Variants in MOCOS observed in about 807,000 individuals in gnomAD.
The protein encoded by MOCOS is molybdenum cofactor sulfurase.
MOCOS carries 86 observed loss-of-function variants against 83.6 expected under a neutral mutation model. The ratio of observed to expected loss-of-function variants is 1.03; its 90% CI spans 0.86 to 1.23. The LOEUF is 1.23. Ranked by LOEUF, MOCOS falls within the 50% of genes most tolerant of loss-of-function variation. The probability of loss-of-function intolerance (pLI) is 0.00; values close to 1 mark genes in which losing one functional copy is unlikely to be tolerated. For synonymous variants in MOCOS, 445 were observed against 434.7 expected (o/e 1.02, Z -0.29); for missense variants, 1,120 against 1,126.9 (o/e 0.99, Z 0.09).
intron 5 of MOCOS, among the ~76,000 whole-genome samples, chr18:36,204,070 G>C (rs558388007): frequency 1.3e-5 from 2 of 152,194 alleles, no homozygotes; most frequent in African/African-American, 4.8e-5. Flanking sequence ...AAAAATTGTG[G>C]TAAACTATAC....
At chr18:36,240,735 C>T (rs533725041) in intron 9 of MOCOS, among the ~76,000 whole-genome samples, 11 of 152,284 alleles carry the variant, frequency 7.2e-5, no homozygotes, top group Non-Finnish European at 1.0e-4. Flanking sequence ...CCCCCAGCCT[C>T]GCTGCCGCCT....
intron 9 of MOCOS, among the ~76,000 whole-genome samples, chr18:36,238,408 G>A (rs1598586312): frequency 6.6e-6 from 1 of 150,764 alleles, no homozygotes; most frequent in East Asian, 1.9e-4. Context: ...AGTCATTCAG[G>A]AGCCGGTTGT....
At chr18:36,202,492 C>G (rs1359372262) in intron 4 of MOCOS, among the ~76,000 whole-genome samples, 1 of 152,108 alleles carries the variant, frequency 6.6e-6, no homozygotes, top group African/African-American at 2.4e-5. Context: ...CTGCACCTGG[C>G]CACCCTAGGA....
intron 9 of MOCOS, among the ~76,000 whole-genome samples, chr18:36,230,561 T>C (rs913659966): frequency 2.6e-5 from 4 of 152,216 alleles, no homozygotes; most frequent in East Asian, 1.9e-4. Flanking sequence ...TGATGAGCAC[T>C]GGGGAGCTCA....
At chr18:36,250,268 T>G (rs1241479230) in intron 10 of MOCOS, among the ~76,000 whole-genome samples, 2 of 152,236 alleles carry the variant, frequency 1.3e-5, no homozygotes, top group Non-Finnish European at 2.9e-5. Context: ...GGTAGGTCTG[T>G]GCTCAGTAGA....
At chr18:36,193,997 GTACCTT>G (rs2091376862) in intron 1 of MOCOS, among the ~76,000 whole-genome samples, 1 of 152,196 alleles carries the variant, frequency 6.6e-6, no homozygotes, top group Non-Finnish European at 1.5e-5. Context: ...AAATGTGGAC[GTACCTT>G]GAAAACATTA....
chr18:36,188,370 C>G (rs911632749), intron 1 of MOCOS, among the ~76,000 whole-genome samples: 1 of 152,256 alleles, frequency 6.6e-6, no homozygotes, highest in African/African-American at 2.4e-5. Context: ...ACCAAGATCA[C>G]ATCGTGCCTT....
At position 36,257,035 on chromosome 18, in the gene MOCOS, A is replaced by C. The variant is rs139763251; in HGVS notation, c.2232A>C (p.Thr744=). The change falls in exon 12 of 15, where the codon ACA becomes ACC. Residue 744 remains threonine (T), a synonymous_variant. Coordinates refer to ENST00000261326, the MANE Select transcript of MOCOS (RefSeq NM_017947.4). The part of the protein sequence containing the change: ...VNEAQYLLIN[T]SSILELHRQL... ...AGGCACAGTATCTGCTGATCAACAC[A>C]TCCAGTATTTTGGAACTTCACCGGC... 30 of 1,614,140 alleles carry C rather than the reference A, an allele frequency of 1.9e-5. No homozygotes were observed. The African/African-American group carries it at 1.9e-4, about 10-fold the overall frequency.
intron 9 of MOCOS, among the ~76,000 whole-genome samples, chr18:36,243,572 TC>T (rs2091591895): frequency 6.8e-6 from 1 of 147,812 alleles, no homozygotes; most frequent in East Asian, 1.9e-4. Flanking sequence ...TCTGTAGTTT[TC>T]TTTTTTTGTT....
intron 6 of MOCOS, among the ~76,000 whole-genome samples, chr18:36,210,489 G>A (rs1037526510): frequency 3.9e-5 from 6 of 152,142 alleles, no homozygotes; most frequent in Non-Finnish European, 5.9e-5. Flanking sequence ...ATGCATCAGA[G>A]GCAAAAGGTT....
At chr18:36,216,059 A>G (rs2091475632) in intron 8 of MOCOS, 82 bp downstream of exon 8, 2 of 1,375,990 alleles carry the variant, frequency 1.5e-6, no homozygotes, top group East Asian at 2.4e-5. Context: ...AAAGCATGAA[A>G]AAAATCAAAA....
chr18:36,215,159 C>A (rs2091470907), intron 7 of MOCOS, among the ~76,000 whole-genome samples: 1 of 152,228 alleles, frequency 6.6e-6, no homozygotes, highest in African/African-American at 2.4e-5. Context: ...CCGGGTAGAC[C>A]TTGAGGTTGA....
intron 12 of MOCOS, among the ~76,000 whole-genome samples, chr18:36,259,132 AAATTACAAAAATAAG>A (rs1288057591): frequency 6.6e-6 from 1 of 152,106 alleles, no homozygotes; most frequent in Admixed American, 6.5e-5. Context: ...CAATAAATAA[AAATTACAAAAATAAG>A]AGTTACAAAA....
At chr18:36,220,976 C>T (rs1308411110) in intron 9 of MOCOS, among the ~76,000 whole-genome samples, 4 of 151,388 alleles carry the variant, frequency 2.6e-5, no homozygotes, top group African/African-American at 4.8e-5. Flanking sequence ...TAGATGATGT[C>T]CTATTTACTT....
At chr18:36,246,156 T>C (rs2091601356) in intron 9 of MOCOS, among the ~76,000 whole-genome samples, 1 of 152,276 alleles carries the variant, frequency 6.6e-6, no homozygotes. Flanking sequence ...TTTAGATCCA[T>C]TGCTGGAGAG....
At position 36,220,131 on chromosome 18, in the gene MOCOS, G is replaced by T. The variant is rs1373435361; in HGVS notation, c.1874G>T (p.Cys625Phe). The change falls in exon 9 of 15, where the codon TGC becomes TTC. Residue 625 changes from cysteine (C) to phenylalanine (F), a missense_variant. Coordinates refer to ENST00000261326, the MANE Select transcript of MOCOS (RefSeq NM_017947.4). ...ATGGTTGTGAATCACAATGGTGTTTGCCTGAGTCAGAAGCAGGAACCCCGG... is the reference window on the plus strand; with the variant it reads ...ATGGTTGTGAATCACAATGGTGTTTTCCTGAGTCAGAAGCAGGAACCCCGG... ...SWMVVNHNGVCLSQKQEPRLC... is the reference protein window; with the variant it reads ...SWMVVNHNGVFLSQKQEPRLC... 6.2e-7 allele frequency: 1 copy of T among 1,613,970 alleles called. No individual in the cohort carries two copies. The highest frequency in any genetic ancestry group is 1.3e-5 in the African/African-American group (1 of 74,892).
chr18:36,252,448 C>G (rs1261212739), intron 11 of MOCOS, among the ~76,000 whole-genome samples: 1 of 152,074 alleles, frequency 6.6e-6, no homozygotes, highest in African/African-American at 2.4e-5. Flanking sequence ...GTCCCAGCTA[C>G]TTGGGAGGCT....
chr18:36,226,849 G>A (rs567213986), intron 9 of MOCOS, among the ~76,000 whole-genome samples: 4 of 149,110 alleles, frequency 2.7e-5, no homozygotes, highest in Admixed American at 6.7e-5. Context: ...CATACTTTAC[G>A]TATGGTTGTC....
chr18:36,206,244 C>CT (rs71166102), intron 6 of MOCOS, among the ~76,000 whole-genome samples: 58,496 of 103,520 alleles, frequency 0.57, 18,372 homozygotes, highest in African/African-American at 0.64. Flanking sequence ...TTTCTTCCAA[C>CT]TTTTTTTTTT....
Sources: allele counts gnomAD v4.1 joint callset (sites outside exome capture counted in the v4.1 genomes callset), GRCh38; gene constraint gnomAD v4.1.1; transcripts MANE v1.5; gene names NCBI Gene and HGNC (gene_info 2026-07-23, HGNC 2026-07-21).